DMD: variants seen among roughly 807,000 people sequenced by gnomAD.
DMD encodes dystrophin, also known as mutant dystrophin.
In DMD, 63 loss-of-function variants were observed where a neutral mutation model predicts 330.1. The ratio of observed to expected loss-of-function variants is 0.19; its 90% CI spans 0.16 to 0.24. The LOEUF is 0.24. Ranked by LOEUF, DMD falls within the 10% of genes least tolerant of loss-of-function variation. The pLI is 1.00. For missense variants in DMD, 3,344 were observed against 2,684.1 expected (o/e 1.25, Z -5.43); for synonymous variants, 1,223 against 959.8 (o/e 1.27, Z -5.07).
intron 48 of DMD, among the ~76,000 whole-genome samples, chrX:31,861,230 A>C (rs60708078): frequency 0.022 from 2,507 of 111,593 alleles, 75 homozygotes; most frequent in African/African-American, 0.076. Context: ...ATGAATAAAG[A>C]ATTCAAATTA....
chrX:32,880,742 C>T (rs747765504), intron 2 of DMD, among the ~76,000 whole-genome samples: 27 of 111,719 alleles, frequency 2.4e-4, no homozygotes, highest in Non-Finnish European at 4.7e-4. Context: ...GTCGGGAGTT[C>T]GAGACCAGCC....
intron 33 of DMD, among the ~76,000 whole-genome samples, chrX:32,385,627 T>C (rs184588916): frequency 4.4e-5 from 1 of 22,509 alleles, no homozygotes; most frequent in East Asian, 2.0e-3. Context: ...TCATAATCTA[T>C]ACAGAATATT....
chrX:31,351,157 T>TAC (rs776501693), intron 60 of DMD, among the ~76,000 whole-genome samples: 114 of 79,907 alleles, frequency 1.4e-3, no homozygotes, highest in African/African-American at 5.8e-3. Context: ...GACATACATA[T>TAC]ATACACACAC....
intron 60 of DMD, among the ~76,000 whole-genome samples, chrX:31,400,815 C>T (rs758885535): frequency 1.8e-5 from 2 of 111,920 alleles, no homozygotes; most frequent in African/African-American, 6.5e-5. Flanking sequence ...ATCAAAAACC[C>T]AACTAGTTCA....
chrX:33,227,560 A>G (rs147038735), intron 1 of DMD, among the ~76,000 whole-genome samples: 117 of 111,261 alleles, frequency 1.1e-3, no homozygotes, highest in African/African-American at 3.5e-3. Context: ...AGTTCTGCAC[A>G]TATTTTTGAA....
Position 31,221,152 on chromosome X carries a change from G to C in DMD, c.9361+1895C>G, listed in dbSNP as rs141538130. ...TTGCTGGTTTAGATTACTGCAACAG[G>C]TTTTTCTCCTGTCACTCCCACATCG... On this transcript the variant is annotated intron_variant, in intron 64 of 78. Transcript: ENST00000357033. Among the ~76,000 whole-genome samples the C allele has an allele frequency of 3.3e-3, 366 of 110,118 alleles. 3 individuals are homozygous for C. Among genetic ancestry groups the C allele is most frequent in the Middle Eastern group, 0.014 (3 of 216 alleles).
At chrX:32,452,985 T>C (rs952534249) in intron 26 of DMD, among the ~76,000 whole-genome samples, 5 of 110,891 alleles carry the variant, frequency 4.5e-5, no homozygotes, top group African/African-American at 1.6e-4. Flanking sequence ...TTTTAAGTGG[T>C]TGGCTTTTCC....
At chrX:31,991,119 T>C (rs1307812227) in intron 44 of DMD, among the ~76,000 whole-genome samples, 1 of 111,959 alleles carries the variant, frequency 8.9e-6, no homozygotes. Flanking sequence ...CAGGGGGATT[T>C]ATGACGCATA....
chrX:32,155,961 CT>C (rs200957463), intron 44 of DMD, among the ~76,000 whole-genome samples: 11,279 of 92,489 alleles, frequency 0.12, 510 homozygotes, highest in Admixed American at 0.2. Context: ...TGTGTGTATC[CT>C]TTTGTCATTC....
At position 32,479,687 on chromosome X, in the gene DMD, C is replaced by T. The variant is rs903021570; in HGVS notation, c.2803+5232G>A. On this transcript the variant is annotated intron_variant, in intron 21 of 78. Coordinates refer to ENST00000357033, the MANE Select transcript of DMD (RefSeq NM_004006.3). The stretch of plus-strand genomic sequence containing the variant: ...TATAGACACTGGAATATATTTATCA[C>T]TATATATATATGTCACTATATATAT... Among the ~76,000 whole-genome samples the T allele has an allele frequency of 2.8e-5, 3 of 108,720 alleles. No individual in the cohort carries two copies. The Admixed American group carries it at 3.0e-4, about 11-fold the overall frequency. The allele number at this position is 108,720 out of a possible 115,157, so 94.4% of individuals were successfully genotyped here. A position where few individuals can be genotyped will look rare whatever the true frequency, so the allele number is the denominator to read the frequency against.
intron 48 of DMD, among the ~76,000 whole-genome samples, chrX:31,864,485 CT>C (rs201374257): frequency 2.2e-3 from 121 of 54,311 alleles, no homozygotes; most frequent in South Asian, 0.013. Flanking sequence ...TTTTGAAGGC[CT>C]TTTTTTTTTT....
At chrX:32,704,193 G>C (rs755094564) in intron 7 of DMD, among the ~76,000 whole-genome samples, 11 of 102,581 alleles carry the variant, frequency 1.1e-4, no homozygotes, top group Non-Finnish European at 1.7e-4. Flanking sequence ...TCAAAGGCTA[G>C]TCAAAATCAG....
chrX:32,308,052 C>T (rs2097547056), intron 42 of DMD, among the ~76,000 whole-genome samples: 1 of 109,333 alleles, frequency 9.1e-6, no homozygotes, highest in Non-Finnish European at 1.9e-5. Context: ...AGTGTTTTTG[C>T]TATTAAATGC....
At chrX:32,939,206 ATATATATTTGAGATATATATG>A (rs1281367930) in intron 2 of DMD, among the ~76,000 whole-genome samples, 22 of 106,928 alleles carry the variant, frequency 2.1e-4, no homozygotes, top group African/African-American at 5.0e-4. Context: ...ATGTGTATAT[ATATATATTTGAGATATATATG>A]TATATATATT....
At chrX:31,499,386 C>T (rs2070195561) in intron 56 of DMD, among the ~76,000 whole-genome samples, 1 of 110,916 alleles carries the variant, frequency 9.0e-6, no homozygotes, top group Non-Finnish European at 1.9e-5. Context: ...TGCTAAAATT[C>T]CAGTTCTAGG....
chrX:31,355,876 A>T (rs2058655880), intron 60 of DMD, among the ~76,000 whole-genome samples: 1 of 110,170 alleles, frequency 9.1e-6, no homozygotes, highest in East Asian at 2.8e-4. Flanking sequence ...ATAATAAAAA[A>T]AAAAAAAGTC....
intron 7 of DMD, among the ~76,000 whole-genome samples, chrX:32,735,857 C>A (rs2068392900): frequency 9.0e-6 from 1 of 111,678 alleles, no homozygotes; most frequent in Non-Finnish European, 1.9e-5. Flanking sequence ...TAGGCATGGG[C>A]AAGGACTTCA....
chrX:32,245,508 G>C (rs1160611733), intron 43 of DMD, among the ~76,000 whole-genome samples: 1 of 91,799 alleles, frequency 1.1e-5, no homozygotes, highest in Non-Finnish European at 2.1e-5. Context: ...GAAAGGCATT[G>C]GTAGCTTGAT....
At position 31,522,363 on chromosome X, in the gene DMD, CTATATATA is replaced by C. The variant is rs1556678891; in HGVS notation, c.8218-14918_8218-14911del. On this transcript the variant is annotated intron_variant, in intron 55 of 78. Transcript: ENST00000357033. ...TCTCTCTCTCTCTCTCTCTCTCTCT[CTATATATA>C]TATATATATATATATAGCTGCACAG... 5.3e-4 allele frequency among the ~76,000 whole-genome samples: 19 copies of C among 35,976 alleles called. 2 individuals carry two copies. Among genetic ancestry groups the C allele is most frequent in the African/African-American group, 3.2e-3 (17 of 5,284 alleles). 31.2% of individuals were successfully genotyped at this position (35,976 alleles called of 115,157 possible).
Sources: gnomAD v4.1 joint callset for allele counts (sites outside exome capture counted in the v4.1 genomes callset) on GRCh38, gnomAD v4.1.1 for gene constraint, MANE v1.5 for transcripts, NCBI Gene and HGNC (gene_info 2026-07-23, HGNC 2026-07-21) for gene names.